MGAT4A: variants seen among roughly 807,000 people sequenced by gnomAD.
MGAT4A encodes the protein N-acetylglucosaminyltransferase IVa.
Under a neutral mutation model 74.1 loss-of-function variants are expected in MGAT4A, and 33 were observed. The observed-to-expected ratio is 0.45, with a 90% CI of 0.34 to 0.60. The LOEUF (loss-of-function observed/expected upper bound fraction) is 0.60. MGAT4A is among the 20% of genes least tolerant of loss of function. The probability of loss-of-function intolerance (pLI) is 0.02; values close to 1 mark genes in which losing one functional copy is unlikely to be tolerated. For missense variants in MGAT4A, 479 were observed against 628.3 expected (o/e 0.76, Z 2.54); for synonymous variants, 198 against 210.4 (o/e 0.94, Z 0.51).
intron 14 of MGAT4A, among the ~76,000 whole-genome samples, chr2:98,629,836 G>A (rs1287614308): frequency 1.3e-5 from 2 of 152,184 alleles, no homozygotes; most frequent in East Asian, 3.8e-4. Context: ...CTGAGGTCAG[G>A]AGTTCGAGAC....
In MGAT4A at chr2:98,635,236, C is replaced by A; in HGVS notation, c.1454G>T (p.Gly485Val). 6.2e-7 allele frequency: 1 copy of A among 1,608,540 alleles called. No individual in the cohort carries two copies. Among genetic ancestry groups the A allele is most frequent in the Non-Finnish European group, 8.5e-7 (1 of 1,176,874 alleles). Residue 485 changes from glycine (G) to valine (V), a missense_variant, in exon 14 of 16, where the codon GGC becomes GTC. By Grantham distance (109) the Gly-to-Val change is moderately radical. Transcript: ENST00000393487. ...GTAGATATTACCTATTCTGAAATAG[C>A]CATCTTCTAATCGTTTGTCTTTGGT... Reference protein sequence around the residue: ...KETKDKRLEDGYFRIGKFENG... With the variant: ...KETKDKRLEDVYFRIGKFENG...
rs1021233246 is a variant in MGAT4A at position 98,621,963 on chromosome 2, A to G, written c.*3603T>C. 2 of 989,714 alleles carry G rather than the reference A, an allele frequency of 2.0e-6. No homozygotes were observed. Among genetic ancestry groups the G allele is most frequent in the Non-Finnish European group, 2.4e-6 (2 of 832,760 alleles). The allele number at this position is 989,714 out of a possible 1,614,324, so 61.3% of individuals were successfully genotyped here. On this transcript the variant is annotated 3_prime_UTR_variant, in exon 16 of 16. Coordinates refer to ENST00000393487, the MANE Select transcript of MGAT4A (RefSeq NM_012214.3). ...ATACACACATACGTATCTACAGCCT[A>G]TGTGCTAAATAATCCTTTGTGTTAA... is the stretch of plus-strand genomic sequence containing the variant.
Position 98,619,781 on chromosome 2 carries a change from C to T in MGAT4A, c.*5785G>A, listed in dbSNP as rs969642493. On this transcript the variant is annotated 3_prime_UTR_variant, in exon 16 of 16. Transcript: ENST00000393487. ...TGGTTCCAGGACAGTTTGCTAATTA[C>T]TAATACAATGAAACAACTAGGAGCA... 1 of 152,210 alleles carries T rather than the reference C, an allele frequency of 6.6e-6. No homozygotes were observed. The highest frequency in any genetic ancestry group is 2.4e-5 in the African/African-American group (1 of 41,446). The allele number at this position is 152,210 out of a possible 1,614,324, so 9.4% of individuals were successfully genotyped here.
At chr2:98,674,944 TGACCTCCCAGA>T in intron 4 of MGAT4A, 80 bp downstream of exon 4, 1 of 1,345,142 alleles carries the variant, frequency 7.4e-7, no homozygotes, top group Admixed American at 2.4e-5. Context: ...TTTCATTTTT[TGACCTCCCAGA>T]CTTCTGATGG....
intron 9 of MGAT4A, 132 bp from the exon 10 acceptor site, chr2:98,644,185 C>A (rs1031432018): frequency 3.8e-5 from 36 of 945,034 alleles, no homozygotes; most frequent in Non-Finnish European, 5.2e-5. Flanking sequence ...AAACAATTTC[C>A]CCACTTGTAT....
intron 11 of MGAT4A, 30 bp downstream of exon 11, chr2:98,640,091 T>C (rs775595822): frequency 6.3e-7 from 1 of 1,583,608 alleles, no homozygotes; most frequent in Admixed American, 1.8e-5. Flanking sequence ...AAGTTGTATG[T>C]TCATGAGAAA....
intron 12 of MGAT4A, 64 bp downstream of exon 12, chr2:98,639,744 A>T: frequency 1.4e-6 from 2 of 1,435,450 alleles, no homozygotes. Context: ...AAAATCTATT[A>T]TAAATCACAT....
At chr2:98,654,376 T>C (rs1280029216) in intron 8 of MGAT4A, among the ~76,000 whole-genome samples, 1 of 152,070 alleles carries the variant, frequency 6.6e-6, no homozygotes, top group African/African-American at 2.4e-5. Context: ...AAAATTATCA[T>C]TATTTGCAGA....
At chr2:98,668,672 G>A (rs914372674) in intron 4 of MGAT4A, among the ~76,000 whole-genome samples, 1 of 152,180 alleles carries the variant, frequency 6.6e-6, no homozygotes, top group African/African-American at 2.4e-5. Context: ...ATCCACTCAT[G>A]GCTTTTACCA....
intron 1 of MGAT4A, among the ~76,000 whole-genome samples, chr2:98,727,345 T>C (rs758902983): frequency 3.9e-4 from 60 of 152,230 alleles, no homozygotes; most frequent in Non-Finnish European, 6.3e-4. Context: ...AACAAAGCTG[T>C]TGGGAAAAGG....
intron 2 of MGAT4A, among the ~76,000 whole-genome samples, chr2:98,693,789 T>A (rs1179276672): frequency 6.6e-6 from 1 of 151,984 alleles, no homozygotes; most frequent in Non-Finnish European, 1.5e-5. Flanking sequence ...CACGGTAAGT[T>A]ATATATGTAC....
chr2:98,706,892 GAAA>G (rs11324730), intron 2 of MGAT4A, among the ~76,000 whole-genome samples: 23 of 127,502 alleles, frequency 1.8e-4, no homozygotes, highest in African/African-American at 6.6e-4. Flanking sequence ...CATTAAAAAT[GAAA>G]AAAAAAAAAA....
intron 4 of MGAT4A, among the ~76,000 whole-genome samples, chr2:98,665,260 C>T (rs371078480): frequency 6.3e-5 from 9 of 143,212 alleles, no homozygotes; most frequent in South Asian, 4.4e-4. Context: ...ATCCAGGAGG[C>T]GGAGGTTGCA....
intron 12 of MGAT4A, among the ~76,000 whole-genome samples, chr2:98,637,000 G>C (rs1395306818): frequency 6.6e-6 from 1 of 152,162 alleles, no homozygotes; most frequent in Non-Finnish European, 1.5e-5. Flanking sequence ...ACAACCAGTA[G>C]TCATGGCATG....
chr2:98,640,250 G>A (rs201532027), intron 10 of MGAT4A, 22 bp from the exon 11 acceptor site: 75 of 1,561,936 alleles, frequency 4.8e-5, no homozygotes, highest in East Asian at 2.7e-4. Flanking sequence ...AAAAAATCAC[G>A]TTAGTGTTGC....
intron 2 of MGAT4A, among the ~76,000 whole-genome samples, chr2:98,700,147 T>C (rs1575274891): frequency 6.6e-6 from 1 of 152,060 alleles, no homozygotes; most frequent in Admixed American, 6.5e-5. Context: ...TACCTGCATA[T>C]AAGCAGTGGC....
At position 98,656,399 on chromosome 2, in the gene MGAT4A, G is replaced by T; in HGVS notation, c.651C>A (p.Asp217Glu). 1 of 1,612,584 alleles carries T rather than the reference G, an allele frequency of 6.2e-7. No homozygotes were observed. Among genetic ancestry groups the T allele is most frequent in the Non-Finnish European group, 8.5e-7 (1 of 1,179,118 alleles). Residue 217 changes from aspartate (D) to glutamate (E), a missense_variant, in exon 7 of 16, where the codon GAC becomes GAA. Coordinates refer to ENST00000393487, the MANE Select transcript of MGAT4A (RefSeq NM_012214.3). ...VISPPESYYP[D>E]LTNLKETFGD... ...CAAATGTCTCCTTTAGGTTTGTCAAGTCAGGATAATAGCTTTCAGGGGGTG... is the reference window on the plus strand; with the variant it reads ...CAAATGTCTCCTTTAGGTTTGTCAATTCAGGATAATAGCTTTCAGGGGGTG...
At chr2:98,639,755 T>C in intron 12 of MGAT4A, 53 bp downstream of exon 12, 10 of 1,474,648 alleles carry the variant, frequency 6.8e-6, no homozygotes, top group Non-Finnish European at 9.2e-6. Context: ...TAAATCACAT[T>C]ACGAATAAGA....
At chr2:98,693,081 T>C (rs1475996574) in intron 2 of MGAT4A, among the ~76,000 whole-genome samples, 5 of 152,110 alleles carry the variant, frequency 3.3e-5, no homozygotes, top group Non-Finnish European at 7.4e-5. Flanking sequence ...CATGACCTAC[T>C]GGGGAAAAGA....
Sources: gnomAD v4.1 joint callset for allele counts (sites outside exome capture counted in the v4.1 genomes callset) on GRCh38, gnomAD v4.1.1 for gene constraint, MANE v1.5 for transcripts, NCBI Gene and HGNC (gene_info 2026-07-23, HGNC 2026-07-21) for gene names.